The following MYH13 variants were observed in gnomAD, a reference collection of about 807,000 sequenced individuals.
The protein encoded by MYH13 is myosin-13.
Under a neutral mutation model 232.1 loss-of-function variants are expected in MYH13, and 177 were observed. That is an observed-to-expected ratio of 0.76 (90% CI 0.67 to 0.86). The LOEUF is 0.86. MYH13 is among the 40% of genes least tolerant of loss of function. MYH13 has a pLI of 0.00. For missense variants in MYH13, 2,246 were observed against 2,405.9 expected (o/e 0.93, Z 1.39); for synonymous variants, 884 against 923.5 (o/e 0.96, Z 0.78).
chr17:10,344,652 CA>C (rs574401510), intron 15 of MYH13, among the ~76,000 whole-genome samples: 1 of 148,790 alleles, frequency 6.7e-6, no homozygotes, highest in Non-Finnish European at 1.5e-5. Context: ...CCCGTCTCTA[CA>C]AAAAAAAGAA....
intron 23 of MYH13, among the ~76,000 whole-genome samples, chr17:10,323,776 AAAAAAAAAAAAAAGAAGAAGAAG>A (rs895324529): frequency 1.9e-5 from 2 of 103,212 alleles, no homozygotes; most frequent in East Asian, 4.3e-4. Flanking sequence ...AAAAAAAAAA[AAAAAAAAAAAAAAGAAGAAGAAG>A]AAGAAGAAGA....
intron 33 of MYH13, among the ~76,000 whole-genome samples, chr17:10,310,369 A>G (rs1906467748): frequency 6.6e-6 from 1 of 152,124 alleles, no homozygotes; most frequent in Middle Eastern, 3.2e-3. Flanking sequence ...CTAGGATTAC[A>G]GTTGTGAGCC....
chr17:10,323,383 T>C lies in MYH13; in HGVS notation c.2934+639A>G, dbSNP rs557107063. ...CCTTCTTGTTTGCAATCCCTGTGCT[T>C]GGTGCTATGGGAACTGAAGAAGAAT... On this transcript the variant is annotated intron_variant, in intron 23 of 40. Transcript: ENST00000252172. Among the ~76,000 whole-genome samples, 6 of 152,236 alleles carry C rather than the reference T, an allele frequency of 3.9e-5. No homozygotes were observed. In the South Asian group the frequency reaches 1.0e-3, roughly 26 times the overall value.
chr17:10,345,671 A>T (rs2071658427), intron 13 of MYH13, 55 bp from the exon 14 acceptor site: 1 of 1,612,564 alleles, frequency 6.2e-7, no homozygotes, highest in Admixed American at 1.7e-5. Flanking sequence ...TGGCTGCATT[A>T]AGTTGAAACA....
chr17:10,327,244 T>G (rs1013439395), intron 22 of MYH13, among the ~76,000 whole-genome samples: 43 of 150,320 alleles, frequency 2.9e-4, no homozygotes, highest in African/African-American at 9.5e-4. Context: ...CTCGTGATCC[T>G]CCCGCCTCGG....
At chr17:10,341,351 A>C (rs1284148624) in intron 16 of MYH13, 3 of 152,060 alleles carry the variant, frequency 2.0e-5, no homozygotes, top group Admixed American at 6.6e-5. Flanking sequence ...CGTGCCTGGC[A>C]ATGTTTGTAG....
At chr17:10,347,673 T>A (rs1213040563) in intron 12 of MYH13, among the ~76,000 whole-genome samples, 1 of 145,592 alleles carries the variant, frequency 6.9e-6, no homozygotes, top group Non-Finnish European at 1.5e-5. Context: ...ATTGAGCTCA[T>A]CAAAAAGGCA....
chr17:10,330,134 T>C (rs1312806615), intron 21 of MYH13, among the ~76,000 whole-genome samples: 1 of 152,194 alleles, frequency 6.6e-6, no homozygotes, highest in East Asian at 1.9e-4. Flanking sequence ...ACATTGAGCT[T>C]GTCACAGGCA....
chr17:10,340,218 A>G lies in MYH13; in HGVS notation c.1988T>C (p.Met663Thr). Residue 663 changes from methionine to threonine, a missense_variant, in exon 18 of 41, where the codon ATG becomes ACG. Transcript: ENST00000252172. ...AGGGTGGGTGCTCCTTAAGTTAGTC[A>G]TCAATTTGTTTAAATTTTCCTGGGA... ...AVFRENLNKL[M>T]TNLRSTHPHF... is the part of the protein sequence containing the mutation. The G allele has an allele frequency of 6.2e-7, 1 of 1,614,044 alleles. No individual in the cohort carries two copies.
At chr17:10,311,322 T>C in intron 32 of MYH13, 95 bp from the exon 33 acceptor site, 1 of 1,475,938 alleles carries the variant, frequency 6.8e-7, no homozygotes, top group Non-Finnish European at 9.2e-7. Flanking sequence ...GATTCATTCA[T>C]GACATTTATA....
intron 11 of MYH13, among the ~76,000 whole-genome samples, chr17:10,353,879 GAAAGAAAAGA>G (rs1027521986): frequency 6.9e-6 from 1 of 144,232 alleles, no homozygotes; most frequent in African/African-American, 2.6e-5. Context: ...TCTGAAAAAA[GAAAGAAAAGA>G]AAAGAAGAGA....
Position 10,306,888 on chromosome 17 carries a change from C to T in MYH13, c.5295+51G>A. On this transcript the variant is annotated intron_variant, in intron 36 of 40. Coordinates refer to ENST00000252172, the MANE Select transcript of MYH13 (RefSeq NM_003802.3). The surrounding 1 kb of genome is among the most constrained non-coding windows in gnomAD (Gnocchi z 4.3). The stretch of plus-strand genomic sequence containing the variant: ...CTTGCCACACCCTGGCTCAGAGGCC[C>T]CACTTTCTCAGTTCCAAACCCCATC... 1 of 1,608,824 alleles carries T rather than the reference C, an allele frequency of 6.2e-7. No homozygotes were observed.
chr17:10,344,203 T>G, intron 15 of MYH13, 94 bp from the exon 16 acceptor site: 1 of 1,509,374 alleles, frequency 6.6e-7, no homozygotes, highest in Admixed American at 2.1e-5. Flanking sequence ...GCTTTCACTC[T>G]GGTACCAGGA....
intron 8 of MYH13, 58 bp from the exon 9 acceptor site, chr17:10,355,205 T>C: frequency 6.6e-7 from 1 of 1,507,246 alleles, no homozygotes; most frequent in South Asian, 1.2e-5. Context: ...GTTTTGTGGC[T>C]GGCCTTAGAT....
At position 10,332,107 on chromosome 17, in the gene MYH13, T is replaced by C. The variant is rs1019221506; in HGVS notation, c.2290A>G (p.Asn764Asp). The part of the protein sequence containing the change: ...DVDREQFRFG[N>D]TKVFFKAGLL... The stretch of plus-strand genomic sequence containing the variant: ...GCCTTGCCTGTGCTCACCTTGGTGT[T>C]GCCGAACCTGAACTGCTCCCGGTCC... The change falls in exon 20 of 41, where the codon AAC (asparagine) becomes GAC (aspartate). Residue 764 changes from asparagine (N) to aspartate (D), a missense_variant. Coordinates refer to ENST00000252172, the MANE Select transcript of MYH13 (RefSeq NM_003802.3). 11 of 1,613,886 alleles carry C rather than the reference T, an allele frequency of 6.8e-6. No individual in the cohort carries two copies. Among genetic ancestry groups the C allele is most frequent in the Middle Eastern group, 1.7e-4 (1 of 5,990 alleles).
rs752037123 is a variant in MYH13, at chr17:10,318,908, A to G, written c.3620T>C (p.Leu1207Pro). The G allele has an allele frequency of 1.9e-6, 3 of 1,614,100 alleles. No homozygotes were observed. The South Asian group carries it at 3.3e-5, about 18-fold the overall frequency. The change falls in exon 27 of 41, where the codon CTT (leucine) becomes CCT (proline). Residue 1207 changes from leucine to proline, a missense_variant. By Grantham distance (98) the Leu-to-Pro change is moderately conservative. Transcript: ENST00000252172. ...RKKQADSVAE[L>P]GEQIDNLQRV... is the part of the protein sequence containing the mutation. ...CTGCAGGTTGTCAATCTGCTCCCCAAGCTCGGCCACACTATCTGCTTGCTT... is the reference window on the plus strand; with the variant it reads ...CTGCAGGTTGTCAATCTGCTCCCCAGGCTCGGCCACACTATCTGCTTGCTT...
chr17:10,345,102 G>T, intron 15 of MYH13, 100 bp downstream of exon 15: 1 of 1,582,206 alleles, frequency 6.3e-7, no homozygotes, highest in South Asian at 1.1e-5. Flanking sequence ...CTTGCAGCCT[G>T]GGGGCTAGGG....
intron 2 of MYH13, among the ~76,000 whole-genome samples, chr17:10,366,020 C>T (rs1216699430): frequency 1.3e-5 from 2 of 151,938 alleles, no homozygotes; most frequent in African/African-American, 4.8e-5. Context: ...AATGTATTGT[C>T]CCTGCTTAGA....
chr17:10,321,840 G>T, intron 23 of MYH13, 132 bp from the exon 24 acceptor site: 1 of 720,374 alleles, frequency 1.4e-6, no homozygotes, highest in Non-Finnish European at 2.2e-6. Flanking sequence ...TTACCTCCTA[G>T]AATTGACAGA....
Sources: allele counts gnomAD v4.1 joint callset (sites outside exome capture counted in the v4.1 genomes callset), GRCh38; gene constraint gnomAD v4.1.1; non-coding constraint Gnocchi (gnomAD v3.1); transcripts MANE v1.5; gene names NCBI Gene and HGNC (gene_info 2026-07-23, HGNC 2026-07-21).